Variants in C3orf52 observed in about 807,000 individuals in gnomAD.
C3orf52 encodes chromosome 3 open reading frame 52.
A neutral mutation model predicts 24.8 loss-of-function variants in C3orf52; 22 were observed. The observed-to-expected ratio is 0.89, with a 90% CI of 0.63 to 1.27. The LOEUF is 1.27. Ranked by LOEUF, C3orf52 falls within the 50% of genes most tolerant of loss-of-function variation. The probability of loss-of-function intolerance (pLI) is 0.00; values close to 1 mark genes in which losing one functional copy is unlikely to be tolerated. For synonymous variants in C3orf52, 93 were observed against 100.2 expected (o/e 0.93, Z 0.43); for missense variants, 265 against 260.7 (o/e 1.02, Z -0.11).
At chr3:112,127,238 C>T (rs1356031964) in intron 4 of C3orf52, among the ~76,000 whole-genome samples, 2 of 152,164 alleles carry the variant, frequency 1.3e-5, no homozygotes, top group Non-Finnish European at 2.9e-5. Flanking sequence ...CTCTTTCTCT[C>T]TCTCCTCCTC....
At position 112,109,913 on chromosome 3, in the gene C3orf52, A is replaced by G. The variant is rs1190986554; in HGVS notation, c.467+300A>G. On this transcript the variant is annotated intron_variant, in intron 4 of 5. Transcript: ENST00000264848. Reference sequence around the variant, plus strand: ...CTGTTTAACAATGAATGCTCAAATAAGCTAAGGGTAGAAGTAGAAATAGAT... The same window carrying G: ...CTGTTTAACAATGAATGCTCAAATAGGCTAAGGGTAGAAGTAGAAATAGAT... 8 of 286,942 alleles carry G rather than the reference A, an allele frequency of 2.8e-5. No individual in the cohort carries two copies. The East Asian group carries it at 5.7e-4, about 21-fold the overall frequency. The allele number at this position is 286,942 out of a possible 1,614,324, so 17.8% of individuals were successfully genotyped here.
At chr3:112,135,355 A>G (rs1401175972), downstream of C3orf52, 1 of 152,488 alleles carries the variant, frequency 6.6e-6, no homozygotes, top group African/African-American at 2.4e-5. Flanking sequence ...ACAAAGTGCA[A>G]AATATTTTAT....
At chr3:112,099,999 C>A (rs2073957570) in intron 2 of C3orf52, among the ~76,000 whole-genome samples, 1 of 152,230 alleles carries the variant, frequency 6.6e-6, no homozygotes, top group Admixed American at 6.5e-5. Flanking sequence ...AACAGGAGTT[C>A]AGACTGAGTC....
intron 2 of C3orf52, among the ~76,000 whole-genome samples, chr3:112,095,968 A>G (rs1443450374): frequency 1.3e-5 from 2 of 152,168 alleles, no homozygotes; most frequent in Non-Finnish European, 2.9e-5. Context: ...CAAGTACTGC[A>G]TGGGAAATGT....
chr3:112,097,510 G>C (rs1467027850), intron 2 of C3orf52, among the ~76,000 whole-genome samples: 1 of 152,142 alleles, frequency 6.6e-6, no homozygotes, highest in Non-Finnish European at 1.5e-5. Context: ...ACGTTGTGTT[G>C]AGTGGATTTG....
intron 4 of C3orf52, chr3:112,112,219 G>A (rs1394634714): frequency 6.6e-6 from 1 of 152,310 alleles, no homozygotes; most frequent in East Asian, 1.9e-4. Context: ...ACTAATTAAT[G>A]GAGGGTAGCC....
intron 5 of C3orf52, among the ~76,000 whole-genome samples, chr3:112,115,792 C>T (rs537709568): frequency 2.0e-5 from 3 of 151,968 alleles, no homozygotes; most frequent in Non-Finnish European, 2.9e-5. Flanking sequence ...GGAAATACGG[C>T]GATTATTTTG....
chr3:112,119,007 A>G (rs759767612), downstream of C3orf52, among the ~76,000 whole-genome samples: 7 of 152,218 alleles, frequency 4.6e-5, no homozygotes, highest in Non-Finnish European at 8.8e-5. Flanking sequence ...CAACAATAAG[A>G]AAAGAAGCTG....
At chr3:112,128,262 C>G (rs2074375243) in exon 5 of C3orf52, 1 of 695,236 alleles carries the variant, frequency 1.4e-6, no homozygotes. Flanking sequence ...AATTCCTAAT[C>G]AGGAAAAAAG....
chr3:112,096,985 A>G (rs114396396), intron 2 of C3orf52, among the ~76,000 whole-genome samples: 3,677 of 152,284 alleles, frequency 0.024, 89 homozygotes, highest in South Asian at 0.074. Context: ...CAGACTCACA[A>G]TCGACATGGA....
At chr3:112,133,326 C>G, downstream of C3orf52, 1 of 559,722 alleles carries the variant, frequency 1.8e-6, no homozygotes, top group Non-Finnish European at 3.2e-6. Flanking sequence ...GCAGAATGTC[C>G]TAACATGTCA....
chr3:112,132,888 T>C, downstream of C3orf52: 2 of 546,816 alleles, frequency 3.7e-6, no homozygotes, highest in South Asian at 2.8e-5. Flanking sequence ...CTGCTCACCA[T>C]GATTCTTGGG....
chr3:112,109,395 T>C (rs2074056593), intron 3 of C3orf52, 148 bp from the exon 4 acceptor site: 1 of 484,624 alleles, frequency 2.1e-6, no homozygotes, highest in Non-Finnish European at 3.8e-6. Flanking sequence ...TATGGTGGGC[T>C]CAATTCTTGA....
chr3:112,101,836 C>A (rs2073974369), intron 2 of C3orf52, among the ~76,000 whole-genome samples: 2 of 152,180 alleles, frequency 1.3e-5, no homozygotes, highest in African/African-American at 2.4e-5. Flanking sequence ...GAGAGGTAGT[C>A]TCCTGTGTGG....
At chr3:112,114,171 G>T (rs374085363) in intron 5 of C3orf52, among the ~76,000 whole-genome samples, 7 of 152,284 alleles carry the variant, frequency 4.6e-5, no homozygotes, top group East Asian at 1.9e-4. Flanking sequence ...TGTTTATTAT[G>T]ATGATGACAC....
At chr3:112,133,194 C>A, downstream of C3orf52, 1 of 1,521,600 alleles carries the variant, frequency 6.6e-7, no homozygotes, top group African/African-American at 1.4e-5. Flanking sequence ...GACAGGGCAA[C>A]TCCTGACTTA....
downstream of C3orf52, chr3:112,132,539 A>C: frequency 2.3e-6 from 1 of 431,006 alleles, no homozygotes; most frequent in Non-Finnish European, 3.1e-6. Flanking sequence ...TCTCTAAGGT[A>C]GATATTGTAT....
rs565440052 is a variant in C3orf52, at chr3:112,087,134, A to G, written c.138+589A>G. Among the ~76,000 whole-genome samples, 57 of 140,934 alleles carry G rather than the reference A, an allele frequency of 4.0e-4. 1 individual carries two copies. Among genetic ancestry groups the G allele is most frequent in the Admixed American group, 3.5e-4 (5 of 14,368 alleles). The allele number at this position is 140,934 out of a possible 152,430, so 92.5% of individuals were successfully genotyped here. Reference sequence around the variant, plus strand: ...GAGGAGAGAAAGCGGTCAGAAGGGGAGAAGGGGTAGGGCTGGCGTAGAGAT... The same window carrying G: ...GAGGAGAGAAAGCGGTCAGAAGGGGGGAAGGGGTAGGGCTGGCGTAGAGAT... On this transcript the variant is annotated intron_variant, in intron 1 of 5. Coordinates refer to ENST00000264848, the MANE Select transcript of C3orf52 (RefSeq NM_024616.3).
intron 3 of C3orf52, among the ~76,000 whole-genome samples, chr3:112,107,755 AG>A (rs1458224510): frequency 1.3e-5 from 2 of 152,224 alleles, no homozygotes; most frequent in African/African-American, 4.8e-5. Context: ...CTGTTTTGCC[AG>A]GTTTTTATAA....
Sources: gnomAD v4.1 joint callset for allele counts (sites outside exome capture counted in the v4.1 genomes callset) on GRCh38, gnomAD v4.1.1 for gene constraint, MANE v1.5 for transcripts, NCBI Gene and HGNC (gene_info 2026-07-23, HGNC 2026-07-21) for gene names.